Variants in FBXL7 observed in about 807,000 individuals in gnomAD.
The protein encoded by FBXL7 is F-box and leucine rich repeat protein 7.
In FBXL7, 12 loss-of-function variants were observed where a neutral mutation model predicts 38.3. The ratio of observed to expected loss-of-function variants is 0.31; its 90% confidence interval spans 0.20 to 0.51. The LOEUF (loss-of-function observed/expected upper bound fraction) is 0.51, where lower values mean the gene tolerates loss of function less well. Ranked by LOEUF, FBXL7 falls within the 20% of genes least tolerant of loss-of-function variation. The pLI, the probability that FBXL7 is intolerant of heterozygous loss-of-function variation, is 0.98. For missense variants in FBXL7, 567 were observed against 676.4 expected (o/e 0.84, Z 1.79); for synonymous variants, 297 against 300.9 (o/e 0.99, Z 0.13).
intron 2 of FBXL7, among the ~76,000 whole-genome samples, chr5:15,783,720 T>C (rs60818154): frequency 0.11 from 16,410 of 151,868 alleles, 1,019 homozygotes; most frequent in East Asian, 0.17. Flanking sequence ...TCAGTTAAGG[T>C]GTAGAGGTGA....
intron 1 of FBXL7, among the ~76,000 whole-genome samples, chr5:15,543,557 C>T (rs1737816542): frequency 6.6e-6 from 1 of 152,198 alleles, no homozygotes; most frequent in Admixed American, 6.5e-5. Context: ...ACATTCCCTA[C>T]TCCTAAGAGT....
At chr5:15,900,171 A>G (rs1424580419) in intron 2 of FBXL7, among the ~76,000 whole-genome samples, 1 of 152,176 alleles carries the variant, frequency 6.6e-6, no homozygotes, top group Non-Finnish European at 1.5e-5. Flanking sequence ...ATAAATAATT[A>G]ATAGTACTGT....
chr5:15,831,009 C>G (rs61596759), intron 2 of FBXL7, among the ~76,000 whole-genome samples: 1,786 of 152,246 alleles, frequency 0.012, 29 homozygotes, highest in African/African-American at 0.041. Flanking sequence ...AGTTCTTTCT[C>G]TGAATCTGAG....
intron 2 of FBXL7, among the ~76,000 whole-genome samples, chr5:15,743,889 G>T (rs904415053): frequency 6.6e-6 from 1 of 152,184 alleles, no homozygotes; most frequent in Non-Finnish European, 1.5e-5. Context: ...ACCAAGGCTT[G>T]GGGCTTTCAG....
At chr5:15,560,579 G>A (rs1475478728) in intron 1 of FBXL7, among the ~76,000 whole-genome samples, 1 of 152,142 alleles carries the variant, frequency 6.6e-6, no homozygotes, top group Non-Finnish European at 1.5e-5. Context: ...GACTCCTTAA[G>A]TGAATTATGA....
intron 2 of FBXL7, among the ~76,000 whole-genome samples, chr5:15,782,763 G>T (rs1737031972): frequency 6.6e-6 from 1 of 152,054 alleles, no homozygotes; most frequent in South Asian, 2.1e-4. Flanking sequence ...CCAAGTGAAG[G>T]CATTTTCTTG....
At chr5:15,566,025 AC>A (rs1281032664) in intron 1 of FBXL7, among the ~76,000 whole-genome samples, 1 of 152,040 alleles carries the variant, frequency 6.6e-6, no homozygotes, top group Non-Finnish European at 1.5e-5. Context: ...CACGTGTAAA[AC>A]TTTCCTTTTT....
chr5:15,856,195 C>T lies in FBXL7; in HGVS notation c.128-71695C>T, dbSNP rs538080637. On this transcript the variant is annotated intron_variant, in intron 2 of 3. Transcript: ENST00000504595. ...ATGAAGAAGATGCAAAAGCGGAAAC[C>T]CCTGATAAAACCATCAGATCTTGTG... Among the ~76,000 whole-genome samples the T allele has an allele frequency of 9.2e-5, 14 of 152,074 alleles. 1 individual carries two copies. The highest frequency in any genetic ancestry group is 3.4e-4 in the African/African-American group (14 of 41,482).
At chr5:15,529,149 A>T (rs1361573729) in intron 1 of FBXL7, among the ~76,000 whole-genome samples, 3 of 152,176 alleles carry the variant, frequency 2.0e-5, no homozygotes, top group Non-Finnish European at 4.4e-5. Context: ...TAGATTCCAC[A>T]TGTAAGTGAG....
At chr5:15,707,336 T>G (rs1743720738) in intron 2 of FBXL7, among the ~76,000 whole-genome samples, 1 of 152,176 alleles carries the variant, frequency 6.6e-6, no homozygotes, top group African/African-American at 2.4e-5. Flanking sequence ...ATTCTTTCTG[T>G]GCACACATCT....
At chr5:15,559,767 A>G (rs991250674) in intron 1 of FBXL7, among the ~76,000 whole-genome samples, 28 of 152,382 alleles carry the variant, frequency 1.8e-4, no homozygotes, top group African/African-American at 6.5e-4. Context: ...TTTGGCAATA[A>G]AACGCCTGGA....
chr5:15,804,195 C>A (rs1299100461), intron 2 of FBXL7, among the ~76,000 whole-genome samples: 1 of 152,148 alleles, frequency 6.6e-6, no homozygotes. Context: ...AAGCCAGGCA[C>A]AATGGCTAAC....
chr5:15,627,814 C>G (rs937877093), intron 2 of FBXL7, among the ~76,000 whole-genome samples: 13 of 152,142 alleles, frequency 8.5e-5, no homozygotes, highest in African/African-American at 2.9e-4. Flanking sequence ...CCTTAACAAT[C>G]TAGTTAACAT....
At chr5:15,726,183 CTT>C (rs1744345800) in intron 2 of FBXL7, among the ~76,000 whole-genome samples, 1 of 152,226 alleles carries the variant, frequency 6.6e-6, no homozygotes, top group South Asian at 2.1e-4. Flanking sequence ...CACTCCCACT[CTT>C]TTTTGGTTAC....
intron 1 of FBXL7, among the ~76,000 whole-genome samples, chr5:15,576,535 A>G (rs1173370667): frequency 6.6e-6 from 1 of 152,226 alleles, no homozygotes; most frequent in Non-Finnish European, 1.5e-5. Flanking sequence ...ATTAATGAGC[A>G]AGAAGCTATA....
intron 2 of FBXL7, among the ~76,000 whole-genome samples, chr5:15,896,412 T>C (rs1322569918): frequency 6.6e-6 from 1 of 152,186 alleles, no homozygotes; most frequent in Non-Finnish European, 1.5e-5. Flanking sequence ...CATCAGAATG[T>C]TGAAAAAAGC....
chr5:15,665,593 A>C (rs1311118497), intron 2 of FBXL7, among the ~76,000 whole-genome samples: 1 of 152,180 alleles, frequency 6.6e-6, no homozygotes, highest in Non-Finnish European at 1.5e-5. Context: ...GTTGTTTACC[A>C]TCTAGATGCA....
chr5:15,761,579 G>T (rs1013394464), intron 2 of FBXL7, among the ~76,000 whole-genome samples: 1 of 152,034 alleles, frequency 6.6e-6, no homozygotes, highest in African/African-American at 2.4e-5. Flanking sequence ...GTCTCACTCC[G>T]GTTGTCCAGG....
At chr5:15,638,982 T>A (rs969804571) in intron 2 of FBXL7, among the ~76,000 whole-genome samples, 1 of 152,166 alleles carries the variant, frequency 6.6e-6, no homozygotes, top group Non-Finnish European at 1.5e-5. Context: ...CTCTACCTAG[T>A]CTGGTTTTTC....
Sources: gnomAD v4.1 joint callset for allele counts (sites outside exome capture counted in the v4.1 genomes callset) on GRCh38, gnomAD v4.1.1 for gene constraint, MANE v1.5 for transcripts, NCBI Gene and HGNC (gene_info 2026-07-23, HGNC 2026-07-21) for gene names.